Variants in TGM1 observed in about 807,000 individuals in gnomAD.
TGM1 encodes the protein protein-glutamine gamma-glutamyltransferase K.
Under a neutral mutation model 88.7 loss-of-function variants are expected in TGM1, and 63 were observed. The ratio of observed to expected loss-of-function variants is 0.71; its 90% CI spans 0.58 to 0.88. The LOEUF (loss-of-function observed/expected upper bound fraction) is 0.88, where lower values mean the gene tolerates loss of function less well. TGM1 is among the 40% of genes least tolerant of loss of function. The pLI, the probability that TGM1 is intolerant of heterozygous loss-of-function variation, is 0.00. For missense variants in TGM1, 996 were observed against 1,118.0 expected (o/e 0.89, Z 1.56); for synonymous variants, 415 against 431.1 (o/e 0.96, Z 0.46).
At position 24,262,144 on chromosome 14, in the gene TGM1, C is replaced by T. The variant is rs781552476; in HGVS notation, c.209G>A (p.Gly70Asp). ...DWGPEPSDSR[G>D]RGSSSGTRRP... ...TCGAGTGCCAGAGCTGGACCCTCGA[C>T]CCCTGGAGTCAGAGGGTTCAGGTCC... The change falls in exon 2 of 15, where the codon GGT (glycine) becomes GAT (aspartate). Residue 70 changes from glycine (G) to aspartate (D), a missense_variant. By Grantham distance (94) the Gly-to-Asp change is moderately conservative. Coordinates refer to ENST00000206765, the MANE Select transcript of TGM1 (RefSeq NM_000359.3). 1.2e-6 allele frequency: 2 copies of T among 1,613,596 alleles called. No homozygotes were observed. Among genetic ancestry groups the T allele is most frequent in the Non-Finnish European group, 1.7e-6 (2 of 1,180,048 alleles).
intron 9 of TGM1, among the ~76,000 whole-genome samples, chr14:24,257,344 G>A (rs900023890): frequency 2.0e-5 from 3 of 152,198 alleles, no homozygotes; most frequent in African/African-American, 7.2e-5. Context: ...AAGAAGGGGT[G>A]GGGGTTTGTT....
intron 9 of TGM1, among the ~76,000 whole-genome samples, chr14:24,256,292 G>A (rs539708836): frequency 2.6e-5 from 4 of 152,210 alleles, no homozygotes; most frequent in African/African-American, 4.8e-5. Flanking sequence ...AAGAGAGAGC[G>A]GCTCCATTTG....
rs1351411490 is a variant in TGM1 at position 24,254,200 on chromosome 14, A to G, written c.2177T>C (p.Phe726Ser). ...CTGTAACCCAGAGCCTTCGAGCCGG[A>G]AGACGACATTGGTGAGGGTGACGGG... ...PLPVTLTNVV[F>S]RLEGSGLQRP... The change falls in exon 14 of 15, where the codon TTC becomes TCC. Residue 726 changes from phenylalanine (F) to serine (S), a missense_variant. By Grantham distance (155) the Phe-to-Ser change is radical. Transcript: ENST00000206765. 1 of 1,613,932 alleles carries G rather than the reference A, an allele frequency of 6.2e-7. No homozygotes were observed. The highest frequency in any genetic ancestry group is 1.1e-5 in the South Asian group (1 of 91,018).
In TGM1 at chr14:24,262,247, G is replaced by T. The variant is rs145197904; in HGVS notation, c.106C>A (p.Arg36Ser). ...CAGAAGGAACGGCCTCCTCCTCTGC[G>T]AGAGCGTCCGTCTGGCTCTGGCTCT... ...EPEPEPDGRS[R>S]RGGGRSFWAR... is the part of the protein sequence containing the mutation. The change falls in exon 2 of 15, where the codon CGC becomes AGC. Residue 36 changes from arginine to serine, a missense_variant. Transcript: ENST00000206765. 1.8e-4 allele frequency: 295 copies of T among 1,613,822 alleles called. 1 individual carries two copies. The African/African-American group carries it at 3.5e-3, about 19-fold the overall frequency.
rs121918720 is a variant in TGM1 at position 24,259,099 on chromosome 14, C to G, written c.1135G>C (p.Val379Leu). 5.1e-5 allele frequency: 82 copies of G among 1,614,132 alleles called. No homozygotes were observed. The highest frequency in any genetic ancestry group is 3.0e-5 in the Non-Finnish European group (35 of 1,180,006). The change falls in exon 7 of 15, where the codon GTC becomes CTC. Residue 379 changes from valine (V) to leucine (L), a missense_variant. Transcript: ENST00000206765. The surrounding 1 kb of genome is among the most constrained non-coding windows in gnomAD (Gnocchi z 5.7). ...GYSVPYGQCW[V>L]FAGVTTTVLR... ...CCTGTGGTGGTCACGCCAGCAAAGA[C>G]CCAGCACTGGCCATAGGGGACGGAA... is the stretch of plus-strand genomic sequence containing the variant.
At position 24,249,432 on chromosome 14, in the gene TGM1, G is replaced by A. The variant is rs777082660; in HGVS notation, c.2335C>T (p.His779Tyr). The A allele has an allele frequency of 1.2e-6, 2 of 1,613,994 alleles. No homozygotes were observed. Among genetic ancestry groups the A allele is most frequent in the East Asian group, 2.2e-5 (1 of 44,856 alleles). ...GCCACATCCACCTGGATGACACCGT[G>A]CACCTGGGAGAGCTGTGGGCTGTCC... Reference protein sequence around the residue: ...SLDSPQLSQVHGVIQVDVAPA... With the variant: ...SLDSPQLSQVYGVIQVDVAPA... The change falls in exon 15 of 15, where the codon CAC becomes TAC. Residue 779 changes from histidine (H) to tyrosine (Y), a missense_variant. Coordinates refer to ENST00000206765, the MANE Select transcript of TGM1 (RefSeq NM_000359.3).
intron 1 of TGM1, 119 bp from the exon 2 acceptor site, chr14:24,262,473 GC>G: frequency 9.0e-7 from 1 of 1,105,006 alleles, no homozygotes; most frequent in Non-Finnish European, 1.3e-6. Flanking sequence ...TCCCACCTTG[GC>G]CCAGAGATTC....
In TGM1 at chr14:24,262,369, C is replaced by T; in HGVS notation, c.-2-15G>A. 1 of 1,612,892 alleles carries T rather than the reference C, an allele frequency of 6.2e-7. No individual in the cohort carries two copies. The highest frequency in any genetic ancestry group is 1.1e-5 in the South Asian group (1 of 91,010). ...ATCCATCATGCCTGTTAGGAAGAGGCAGGGTGGCTCCTTAACCCAGGTAGT... is the reference window on the plus strand; with the variant it reads ...ATCCATCATGCCTGTTAGGAAGAGGTAGGGTGGCTCCTTAACCCAGGTAGT... On this transcript the variant is annotated splice_polypyrimidine_tract_variant and intron_variant, in intron 1 of 14. Coordinates refer to ENST00000206765, the MANE Select transcript of TGM1 (RefSeq NM_000359.3).
At position 24,258,379 on chromosome 14, in the gene TGM1, A is replaced by G. The variant is rs751551536; in HGVS notation, c.1308T>C (p.His436=). The change falls in exon 9 of 15, where the codon CAT becomes CAC. Residue 436 remains histidine, a synonymous_variant. Coordinates refer to ENST00000206765, the MANE Select transcript of TGM1 (RefSeq NM_000359.3). ...TCTTCATCCAGCAGTCGTTCCACAC[A>G]TGGAAGTTCCTGGATGGACATGGAG... The part of the protein sequence containing the change: ...HLNHDSVWNF[H]VWNDCWMKRP... 1.5e-5 allele frequency: 24 copies of G among 1,613,996 alleles called. No homozygotes were observed. The highest frequency in any genetic ancestry group is 3.3e-5 in the South Asian group (3 of 91,088).
rs749721551 is a variant in TGM1 at position 24,259,963 on chromosome 14, C to T, written c.853G>A (p.Glu285Lys). ...IYYGTEAQIGERTWNYGQFDH... is the reference protein window; with the variant it reads ...IYYGTEAQIGKRTWNYGQFDH... ...ACCTGGCCGTAGTTCCAGGTCCGCT[C>T]ACCAATCTGTGCTTCGGTCCCGTAG... is the stretch of plus-strand genomic sequence containing the variant. The change falls in exon 5 of 15, where the codon GAG (glutamate) becomes AAG (lysine). Residue 285 changes from glutamate (E) to lysine (K), a missense_variant. Transcript: ENST00000206765. This position sits in a 1 kb window ranked among gnomAD's most constrained non-coding sequence, Gnocchi z 5.7. 2 of 1,614,196 alleles carry T rather than the reference C, an allele frequency of 1.2e-6. No homozygotes were observed. Among genetic ancestry groups the T allele is most frequent in the South Asian group, 2.2e-5 (2 of 91,082 alleles).
intron 14 of TGM1, 150 bp downstream of exon 14, chr14:24,254,002 C>T (rs756972678): frequency 8.2e-5 from 87 of 1,057,832 alleles, no homozygotes; most frequent in Admixed American, 5.1e-4. Flanking sequence ...TGAGCTGGGC[C>T]GGGAGGTATT....
intron 14 of TGM1, among the ~76,000 whole-genome samples, chr14:24,253,609 G>T (rs2040719069): frequency 6.6e-6 from 1 of 152,116 alleles, no homozygotes; most frequent in Non-Finnish European, 1.5e-5. Context: ...CTCCCAAGTA[G>T]CTGGGACAAC....
chr14:24,250,013 T>A (rs187247355), intron 14 of TGM1, among the ~76,000 whole-genome samples: 8 of 152,306 alleles, frequency 5.3e-5, no homozygotes, highest in African/African-American at 1.7e-4. Flanking sequence ...CTCTCTGCTA[T>A]GATCGTCGTT....
Position 24,254,152 on chromosome 14 carries a change from C to G in TGM1, c.2225G>C (p.Gly742Ala). ...GLQRPKILNV[G>A]DIGGNETVTL... is the part of the protein sequence containing the mutation. ...GGGTAGGGGGAGAGGCCAGACTCAC[C>G]CAACGTTGAGGATCTTGGGCCTCTG... is the stretch of plus-strand genomic sequence containing the variant. The change falls in exon 14 of 15, where the codon GGG becomes GCG. Residue 742 changes from glycine to alanine, a missense_variant and splice_region_variant. Physicochemically the swap from Gly to Ala is moderately conservative, Grantham distance 60. Coordinates refer to ENST00000206765, the MANE Select transcript of TGM1 (RefSeq NM_000359.3). 1 of 1,610,330 alleles carries G rather than the reference C, an allele frequency of 6.2e-7. No homozygotes were observed. Among genetic ancestry groups the G allele is most frequent in the Non-Finnish European group, 8.5e-7 (1 of 1,178,290 alleles).
Position 24,256,064 on chromosome 14 carries a change from G to A in TGM1, c.1416C>T (p.Cys472=), listed in dbSNP as rs759957199. The A allele has an allele frequency of 3.0e-5, 47 of 1,566,628 alleles. No individual in the cohort carries two copies. The highest frequency in any genetic ancestry group is 1.5e-4 in the African/African-American group (11 of 73,760). ...PQETSSGIFC[C]GPCSVESIKN... ...TGATGGACTCCACAGAGCAGGGGCC[G>A]CAGCAGAAGATGCCTAGAGAGTGAG... The change falls in exon 10 of 15, where the codon TGC becomes TGT. Residue 472 remains cysteine, a synonymous_variant. Transcript: ENST00000206765.
At chr14:24,249,689 A>G in intron 14 of TGM1, 148 bp from the exon 15 acceptor site, 1 of 771,344 alleles carries the variant, frequency 1.3e-6, no homozygotes, top group Non-Finnish European at 2.2e-6. Flanking sequence ...ACCCAAGACC[A>G]GGATCCCCAG....
chr14:24,253,460 GTGTC>G (rs1426483295), intron 14 of TGM1, among the ~76,000 whole-genome samples: 2 of 151,854 alleles, frequency 1.3e-5, no homozygotes, highest in Non-Finnish European at 2.9e-5. Context: ...GTGTGTGTGT[GTGTC>G]TGTGTGTGTG....
Position 24,249,318 on chromosome 14 carries a change from C to T in TGM1, c.2449G>A (p.Ala817Thr). 6.2e-7 allele frequency: 1 copy of T among 1,613,290 alleles called. No individual in the cohort carries two copies. Among genetic ancestry groups the T allele is most frequent in the Non-Finnish European group, 8.5e-7 (1 of 1,179,916 alleles). The change falls in exon 15 of 15, where the codon GCT (alanine) becomes ACT (threonine). Residue 817 changes from alanine to threonine, a missense_variant. By Grantham distance (58) the Ala-to-Thr change is moderately conservative. Transcript: ENST00000206765. ...ETIPMASRGG[A>T] is the part of the protein sequence containing the mutation. The stretch of plus-strand genomic sequence containing the variant: ...CCATTGCTCCTGGCACGGGGCTAAG[C>T]TCCACCTCGAGATGCCATAGGGATG...
intron 14 of TGM1, 21 bp from the exon 15 acceptor site, chr14:24,249,562 A>C: frequency 6.2e-7 from 1 of 1,607,746 alleles, no homozygotes; most frequent in Non-Finnish European, 8.5e-7. Flanking sequence ...AGACAAGGTC[A>C]TGGGCCTGGA....
Sources: allele counts gnomAD v4.1 joint callset (sites outside exome capture counted in the v4.1 genomes callset), GRCh38; gene constraint gnomAD v4.1.1; non-coding constraint Gnocchi (gnomAD v3.1); transcripts MANE v1.5; gene names NCBI Gene and HGNC (gene_info 2026-07-23, HGNC 2026-07-21).